The following NEK6 variants were observed in gnomAD, a reference collection of about 807,000 sequenced individuals.
NEK6 encodes NIMA related kinase 6.
A neutral mutation model predicts 43.5 loss-of-function variants in NEK6; 27 were observed. The observed-to-expected ratio is 0.62, with a 90% CI of 0.46 to 0.86. NEK6 has a LOEUF of 0.86. NEK6 is among the 40% of genes least tolerant of loss of function. NEK6 has a pLI of 0.00. For missense variants in NEK6, 318 were observed against 414.4 expected (o/e 0.77, Z 2.02); for synonymous variants, 167 against 164.1 (o/e 1.02, Z -0.14).
At chr9:124,339,792 G>A (rs1014689562) in intron 8 of NEK6, 127 bp downstream of exon 8, 1 of 708,082 alleles carries the variant, frequency 1.4e-6, no homozygotes, top group African/African-American at 1.7e-5. Context: ...TGAGGCATCG[G>A]TACCACCAGG....
At chr9:124,310,715 G>A (rs961923632) in intron 2 of NEK6, among the ~76,000 whole-genome samples, 2 of 152,104 alleles carry the variant, frequency 1.3e-5, no homozygotes, top group African/African-American at 4.8e-5. Context: ...CTCCTGCCTC[G>A]GCCTCCCAAA....
chr9:124,265,678 C>T (rs1224101531), intron 1 of NEK6: 1 of 152,262 alleles, frequency 6.6e-6, no homozygotes, highest in Non-Finnish European at 1.5e-5. Context: ...TCCCAGCTTT[C>T]AGGTCAAGGC....
Position 124,316,362 on chromosome 9 carries a change from G to A in NEK6, c.294+2377G>A, listed in dbSNP as rs1304282789. Reference sequence around the variant, plus strand: ...GCTGGACACCAGGGTGCAGCCCAGTGGAGAAGACAGATCATAGACACTCTG... The same window carrying A: ...GCTGGACACCAGGGTGCAGCCCAGTAGAGAAGACAGATCATAGACACTCTG... On this transcript the variant is annotated intron_variant, in intron 4 of 9. Transcript: ENST00000320246. 1.4e-4 allele frequency among the ~76,000 whole-genome samples: 22 copies of A among 152,208 alleles called. 1 individual carries two copies. The highest frequency in any genetic ancestry group is 1.4e-3 in the Admixed American group (22 of 15,282).
intron 1 of NEK6, chr9:124,292,225 A>G: frequency 7.9e-7 from 1 of 1,257,896 alleles, no homozygotes; most frequent in Non-Finnish European, 1.0e-6. Context: ...CACCTCTGCC[A>G]CCCACCGCTG....
At chr9:124,284,175 C>T (rs962632346) in intron 1 of NEK6, among the ~76,000 whole-genome samples, 5 of 152,184 alleles carry the variant, frequency 3.3e-5, no homozygotes, top group African/African-American at 9.7e-5. Flanking sequence ...ATGTTGAAAC[C>T]CTGTCTCTAC....
At chr9:124,306,822 G>A (rs766888123) in intron 2 of NEK6, among the ~76,000 whole-genome samples, 9 of 152,148 alleles carry the variant, frequency 5.9e-5, no homozygotes, top group Non-Finnish European at 1.3e-4. Context: ...AAAATATATC[G>A]CTATATACAC....
intron 8 of NEK6, among the ~76,000 whole-genome samples, chr9:124,344,132 C>T (rs1363916402): frequency 1.3e-5 from 2 of 152,202 alleles, no homozygotes; most frequent in African/African-American, 2.4e-5. Flanking sequence ...GTCAGCCTGG[C>T]GTCTTCCCCT....
chr9:124,302,735 C>G (rs1403278067), intron 2 of NEK6, among the ~76,000 whole-genome samples: 1 of 152,236 alleles, frequency 6.6e-6, no homozygotes, highest in Non-Finnish European at 1.5e-5. Flanking sequence ...CCACTTCCAC[C>G]CTGCTCTCTG....
rs12343710 is a variant in NEK6 at position 124,258,185 on chromosome 9, C to T, written c.-30+100C>T. On this transcript the variant is annotated intron_variant, in intron 1 of 9. Transcript: ENST00000320246. Reference sequence around the variant, plus strand: ...CCGTCACCCCCAGCCGGGCCGAGGGCGGGCGCGCGCCCACGGCTCCGCGGG... The same window carrying T: ...CCGTCACCCCCAGCCGGGCCGAGGGTGGGCGCGCGCCCACGGCTCCGCGGG... 1,977 of 973,852 alleles carry T rather than the reference C, an allele frequency of 2.0e-3. 34 individuals carry two copies. In the African/African-American group the frequency reaches 0.033, roughly 16 times the overall value. The allele number at this position is 973,852 out of a possible 1,614,324, so 60.3% of individuals were successfully genotyped here.
At chr9:124,261,523 G>A in intron 1 of NEK6, 8 of 985,450 alleles carry the variant, frequency 8.1e-6, no homozygotes, top group Non-Finnish European at 9.6e-6. Flanking sequence ...CTGGCCCCCT[G>A]ATGTCACCTT....
chr9:124,345,201 CCAGA>C (rs1331564247), intron 8 of NEK6, among the ~76,000 whole-genome samples: 6 of 152,176 alleles, frequency 3.9e-5, no homozygotes, highest in Admixed American at 2.0e-4. Context: ...TAACGAGGCC[CCAGA>C]CAGTGAGTCC....
Position 124,352,031 on chromosome 9 carries a change from T to C in NEK6, c.*1084T>C, listed in dbSNP as rs1450524940. ...AAACCAGAAATGTGTTCCTTATTTC[T>C]TGTTCCCAAACAGGATTAACTGTGA... On this transcript the variant is annotated 3_prime_UTR_variant, in exon 10 of 10. Coordinates refer to ENST00000320246, the MANE Select transcript of NEK6 (RefSeq NM_014397.6). 1 of 152,710 alleles carries C rather than the reference T, an allele frequency of 6.5e-6. No individual in the cohort carries two copies. The highest frequency in any genetic ancestry group is 2.4e-5 in the African/African-American group (1 of 41,480). 9.5% of individuals were successfully genotyped at this position (152,710 alleles called of 1,614,324 possible). A position where few individuals can be genotyped will look rare whatever the true frequency, so the allele number is the denominator to read the frequency against.
chr9:124,257,628 C>A, upstream of NEK6: 1 of 1,501,958 alleles, frequency 6.7e-7, no homozygotes, highest in Non-Finnish European at 8.9e-7. Context: ...GATGGGGAAT[C>A]CGAAGACGCA....
Position 124,289,177 on chromosome 9 carries a change from CCCCCCCCCGCCA to C in NEK6, c.-29-12757_-29-12746del, listed in dbSNP as rs1390488349. On this transcript the variant is annotated intron_variant, in intron 1 of 9. Transcript: ENST00000320246. ...AGACTTTGATTGGACACCCCCCCCGCCCCCCCCCGCCACACACACACACACACACACACACAC... is the reference window on the plus strand; with the variant it reads ...AGACTTTGATTGGACACCCCCCCCGCCACACACACACACACACACACACAC... Among the ~76,000 whole-genome samples the C allele has an allele frequency of 3.1e-3, 122 of 39,930 alleles. 2 individuals carry two copies. Among genetic ancestry groups the C allele is most frequent in the African/African-American group, 0.013 (92 of 7,034 alleles). The allele number at this position is 39,930 out of a possible 152,430, so 26.2% of individuals were successfully genotyped here.
intron 4 of NEK6, among the ~76,000 whole-genome samples, chr9:124,316,720 G>A (rs1462542893): frequency 1.3e-5 from 2 of 152,220 alleles, no homozygotes; most frequent in African/African-American, 2.4e-5. Flanking sequence ...CCCAATGGAC[G>A]TCTGGAGCCC....
In NEK6 at chr9:124,343,784, G is replaced by T. The variant is rs1829777280; in HGVS notation, c.718-3925G>T. Among the ~76,000 whole-genome samples, 1 of 152,104 alleles carries T rather than the reference G, an allele frequency of 6.6e-6. No homozygotes were observed. Among genetic ancestry groups the T allele is most frequent in the Admixed American group, 6.5e-5 (1 of 15,276 alleles). ...CAGGGCACATACCCAGGTCACCTGG[G>T]CCCTGGTGACAGACACAGCCGGAGA... On this transcript the variant is annotated intron_variant, in intron 8 of 9. Coordinates refer to ENST00000320246, the MANE Select transcript of NEK6 (RefSeq NM_014397.6). The surrounding 1 kb of genome is among the most constrained non-coding windows in gnomAD (Gnocchi z 5.1).
intron 7 of NEK6, among the ~76,000 whole-genome samples, chr9:124,333,773 CTTTTTTTTTTTT>C (rs148074227): frequency 1.7e-5 from 2 of 120,018 alleles, no homozygotes; most frequent in African/African-American, 3.1e-5. Context: ...CATTTCAGTC[CTTTTTTTTTTTT>C]TTTTTTTTTT....
chr9:124,284,265 C>T lies in NEK6; in HGVS notation c.-29-17671C>T, dbSNP rs144724394. Among the ~76,000 whole-genome samples, 3 of 152,342 alleles carry T rather than the reference C, an allele frequency of 2.0e-5. No individual in the cohort carries two copies. The East Asian group carries it at 5.8e-4, about 29-fold the overall frequency. ...TTGGGAGGCTGAGACACGATAATTG[C>T]TTGAACTAGGGAGGCGGAGGTTGCA... On this transcript the variant is annotated intron_variant, in intron 1 of 9. Transcript: ENST00000320246.
chr9:124,303,535 C>T (rs769079214), intron 2 of NEK6, among the ~76,000 whole-genome samples: 12 of 152,226 alleles, frequency 7.9e-5, no homozygotes, highest in Non-Finnish European at 1.6e-4. Flanking sequence ...GGTGATGCTG[C>T]AGATTGACAC....
Sources: gnomAD v4.1 joint callset for allele counts (sites outside exome capture counted in the v4.1 genomes callset) on GRCh38, gnomAD v4.1.1 for gene constraint, Gnocchi (gnomAD v3.1) non-coding constraint, MANE v1.5 for transcripts, NCBI Gene and HGNC (gene_info 2026-07-23, HGNC 2026-07-21) for gene names.